HACL1: variants seen among roughly 807,000 people sequenced by gnomAD.
HACL1 encodes the protein 2-hydroxyacyl-CoA lyase 1, also known as 1600020H07Rik.
In HACL1, 64 loss-of-function variants were observed where a neutral mutation model predicts 74.2. That is an observed-to-expected ratio of 0.86 (90% CI 0.70 to 1.06). The LOEUF is 1.06. HACL1 is among the 50% of genes least tolerant of loss of function. The pLI is 0.00. For missense variants in HACL1, 728 were observed against 719.7 expected (o/e 1.01, Z -0.13); for synonymous variants, 230 against 238.8 (o/e 0.96, Z 0.34).
chr3:15,595,604 CTTTTTTTTTTTT>C lies in HACL1; in HGVS notation c.227+768_227+779del, dbSNP rs764183329. On this transcript the variant is annotated intron_variant, in intron 3 of 16. Coordinates refer to ENST00000321169, the MANE Select transcript of HACL1 (RefSeq NM_012260.4). Reference sequence around the variant, plus strand: ...TAGGTGATTTTCTTCATCTTTTTTCCTTTTTTTTTTTTTTTTTTTTTTTGAGACGGAGTCTCA... The same window carrying C: ...TAGGTGATTTTCTTCATCTTTTTTCCTTTTTTTTTTTGAGACGGAGTCTCA... Among the ~76,000 whole-genome samples the C allele has an allele frequency of 6.2e-5, 6 of 97,342 alleles. No individual in the cohort carries two copies. In the South Asian group the frequency reaches 1.8e-3, roughly 29 times the overall value. The allele number at this position is 97,342 out of a possible 152,430, so 63.9% of individuals were successfully genotyped here.
intron 4 of HACL1, among the ~76,000 whole-genome samples, chr3:15,591,286 G>C (rs777996845): frequency 6.6e-6 from 1 of 151,388 alleles, no homozygotes; most frequent in African/African-American, 2.4e-5. Flanking sequence ...ACTTTTTTTG[G>C]TAAAAGTACC....
At chr3:15,569,255 T>A (rs1419539243) in intron 12 of HACL1, among the ~76,000 whole-genome samples, 1 of 152,174 alleles carries the variant, frequency 6.6e-6, no homozygotes, top group African/African-American at 2.4e-5. Flanking sequence ...TTTGTTCTGC[T>A]GGAGATTATA....
At chr3:15,571,633 G>C (rs1456133604) in intron 12 of HACL1, 35 bp downstream of exon 12, 1 of 874,448 alleles carries the variant, frequency 1.1e-6, no homozygotes, top group Non-Finnish European at 2.0e-6. Context: ...TCATGAGCCT[G>C]ACCTGTTATT....
rs1247748536 is a variant in HACL1 at position 15,590,886 on chromosome 3, G to A, written c.308+714C>T. Among the ~76,000 whole-genome samples, 9 of 152,296 alleles carry A rather than the reference G, an allele frequency of 5.9e-5. No individual in the cohort carries two copies. In the East Asian group the frequency reaches 1.5e-3, roughly 26 times the overall value. On this transcript the variant is annotated intron_variant, in intron 4 of 16. Transcript: ENST00000321169. ...ACCTGAGGTCAGGAGTTTGAGACCA[G>A]CCTGGCCAGCATGGTGAAACCTCTT...
chr3:15,599,534 CT>C (rs1206910725), intron 2 of HACL1, among the ~76,000 whole-genome samples: 2 of 151,898 alleles, frequency 1.3e-5, no homozygotes, highest in African/African-American at 4.8e-5. Flanking sequence ...AATTCAAACT[CT>C]TTTTAGATTT....
At chr3:15,585,189 T>C in intron 7 of HACL1, 59 bp downstream of exon 7, 1 of 816,174 alleles carries the variant, frequency 1.2e-6, no homozygotes, top group South Asian at 1.5e-5. Flanking sequence ...TCTAAAAAGG[T>C]AGGCATTATG....
At chr3:15,569,835 A>C (rs1335352103) in intron 12 of HACL1, among the ~76,000 whole-genome samples, 4 of 151,650 alleles carry the variant, frequency 2.6e-5, no homozygotes, top group South Asian at 2.1e-4. Context: ...AAGAAAAAAA[A>C]AAAAAGTAGC....
intron 8 of HACL1, 28 bp downstream of exon 8, chr3:15,582,849 G>C: frequency 8.8e-7 from 1 of 1,134,406 alleles, no homozygotes; most frequent in South Asian, 1.3e-5. Flanking sequence ...CAAAAGCCTA[G>C]CAAGATTTAG....
intron 16 of HACL1, among the ~76,000 whole-genome samples, chr3:15,561,988 T>A (rs1336903526): frequency 6.6e-6 from 1 of 152,214 alleles, no homozygotes; most frequent in Non-Finnish European, 1.5e-5. Flanking sequence ...ATGTATTCAT[T>A]AAGCTTCTTA....
At chr3:15,591,939 GTA>G (rs1336110166) in intron 3 of HACL1, among the ~76,000 whole-genome samples, 2 of 148,494 alleles carry the variant, frequency 1.3e-5, no homozygotes, top group South Asian at 2.1e-4. Context: ...GTATATACGT[GTA>G]TATATACACA....
At chr3:15,591,236 T>G (rs575037618) in intron 4 of HACL1, among the ~76,000 whole-genome samples, 1 of 152,198 alleles carries the variant, frequency 6.6e-6, no homozygotes, top group Non-Finnish European at 1.5e-5. Flanking sequence ...AATTAACATA[T>G]TCATGTTACT....
intron 9 of HACL1, among the ~76,000 whole-genome samples, chr3:15,577,278 G>A (rs1378834854): frequency 6.6e-6 from 1 of 151,482 alleles, no homozygotes; most frequent in Non-Finnish European, 1.5e-5. Context: ...TGAGCCTAGG[G>A]GTCTGAGTCC....
chr3:15,589,510 A>T, intron 5 of HACL1, 30 bp downstream of exon 5: 1 of 1,439,454 alleles, frequency 6.9e-7, no homozygotes. Context: ...AATTAAAAAT[A>T]AAAAAAACCA....
chr3:15,563,324 C>T, intron 16 of HACL1, 34 bp downstream of exon 16: 1 of 1,428,946 alleles, frequency 7.0e-7, no homozygotes, highest in South Asian at 1.2e-5. Context: ...GAAGCAGATG[C>T]ATTTCTTGCT....
chr3:15,582,930 GTGC>G lies in HACL1; in HGVS notation c.611_613del (p.Cys204_Thr205delinsSer), dbSNP rs2063737238. 6.2e-7 allele frequency: 1 copy of G among 1,612,264 alleles called. No homozygotes were observed. Among genetic ancestry groups the G allele is most frequent in the African/African-American group, 1.3e-5 (1 of 74,982 alleles). On this transcript the variant is annotated inframe_deletion, in exon 8 of 17. Transcript: ENST00000321169. ...GGCATTCCTAATAACAGAAGCCGCCGTGCACACAGCAGAGGTTTCTGCCATGCT... is the reference window on the plus strand; with the variant it reads ...GGCATTCCTAATAACAGAAGCCGCCGACACAGCAGAGGTTTCTGCCATGCT...
chr3:15,564,476 C>A, intron 15 of HACL1, 75 bp downstream of exon 15: 2 of 714,608 alleles, frequency 2.8e-6, no homozygotes, highest in South Asian at 1.6e-5. Context: ...ACATTACTGC[C>A]AATATAGAAG....
intron 9 of HACL1, among the ~76,000 whole-genome samples, chr3:15,579,058 T>C (rs566028924): frequency 7.8e-4 from 119 of 152,360 alleles, no homozygotes; most frequent in African/African-American, 2.7e-3. Flanking sequence ...GAACTACTTA[T>C]ATATGGTTAA....
At chr3:15,571,317 ATGAC>A (rs1388595708) in intron 12 of HACL1, among the ~76,000 whole-genome samples, 4 of 152,146 alleles carry the variant, frequency 2.6e-5, no homozygotes, top group African/African-American at 4.8e-5. Context: ...TTCCACTATT[ATGAC>A]TTTCTATCCA....
At chr3:15,599,961 T>C (rs1307997291) in intron 2 of HACL1, among the ~76,000 whole-genome samples, 2 of 152,092 alleles carry the variant, frequency 1.3e-5, no homozygotes, top group African/African-American at 4.8e-5. Context: ...TTCACACAGA[T>C]GAAAGAACAG....
Sources: allele counts gnomAD v4.1 joint callset (sites outside exome capture counted in the v4.1 genomes callset), GRCh38; gene constraint gnomAD v4.1.1; transcripts MANE v1.5; gene names NCBI Gene and HGNC (gene_info 2026-07-23, HGNC 2026-07-21).